The following HS6ST2 variants were observed in gnomAD, a reference collection of about 807,000 sequenced individuals.
HS6ST2 encodes the protein heparan-sulfate 6-O-sulfotransferase 2.
In HS6ST2, 17 loss-of-function variants were observed where a neutral mutation model predicts 33.0. The ratio of observed to expected loss-of-function variants is 0.52; its 90% CI spans 0.35 to 0.77. HS6ST2 has a LOEUF of 0.77. HS6ST2 is among the 30% of genes least tolerant of loss of function. The pLI is 0.01. For synonymous variants in HS6ST2, 248 were observed against 237.1 expected (o/e 1.05, Z -0.42); for missense variants, 519 against 551.7 (o/e 0.94, Z 0.59).
chrX:132,866,181 T>A (rs1332414613), intron 2 of HS6ST2, among the ~76,000 whole-genome samples: 1 of 111,632 alleles, frequency 9.0e-6, no homozygotes, highest in Non-Finnish European at 1.9e-5. Context: ...GGGATCCAGT[T>A]TCATCTTTCT....
At chrX:132,735,487 G>A (rs1315370172) in intron 2 of HS6ST2, 9 of 112,276 alleles carry the variant, frequency 8.0e-5, no homozygotes, top group South Asian at 3.8e-4. Context: ...AAACCGACCC[G>A]TGACAAAAAA....
chrX:132,689,501 G>GA (rs990594500), intron 3 of HS6ST2, among the ~76,000 whole-genome samples: 4 of 111,040 alleles, frequency 3.6e-5, no homozygotes, highest in Admixed American at 9.5e-5. Context: ...AAGAGCAAAT[G>GA]AAAAAAAATT....
chrX:132,858,821 C>T lies in HS6ST2; in HGVS notation c.947+97987G>A, dbSNP rs745429500. On this transcript the variant is annotated intron_variant, in intron 2 of 4. Coordinates refer to ENST00000370833, the MANE Select transcript of HS6ST2 (RefSeq NM_001394073.1). ...ATATCCCCTCCTGGGATAGCTAGGGCTACCACTAGCACATACTGGTGTCTT... is the reference window on the plus strand; with the variant it reads ...ATATCCCCTCCTGGGATAGCTAGGGTTACCACTAGCACATACTGGTGTCTT... Among the ~76,000 whole-genome samples, 15 of 112,320 alleles carry T rather than the reference C, an allele frequency of 1.3e-4. No individual in the cohort carries two copies. In the East Asian group the frequency reaches 3.7e-3, roughly 27 times the overall value.
chrX:132,670,796 G>T (rs957244207), intron 3 of HS6ST2, among the ~76,000 whole-genome samples: 1 of 112,341 alleles, frequency 8.9e-6, no homozygotes, highest in African/African-American at 3.2e-5. Flanking sequence ...CCGGGCAACA[G>T]TGCGAGACTC....
At position 132,857,462 on chromosome X, in the gene HS6ST2, C is replaced by T. The variant is rs1364687181; in HGVS notation, c.947+99346G>A. 4.9e-5 allele frequency among the ~76,000 whole-genome samples: 5 copies of T among 101,983 alleles called. No homozygotes were observed. In the East Asian group the frequency reaches 9.2e-4, roughly 19 times the overall value. 88.6% of individuals were successfully genotyped at this position (101,983 alleles called of 115,157 possible). A position where few individuals can be genotyped will look rare whatever the true frequency, so the allele number is the denominator to read the frequency against. ...TCACGCCACTGCACTCCAGCCTGGG[C>T]GACAGAGTGAGACTCTGTCTCAAAA... On this transcript the variant is annotated intron_variant, in intron 2 of 4. Coordinates refer to ENST00000370833, the MANE Select transcript of HS6ST2 (RefSeq NM_001394073.1).
chrX:132,713,750 AG>A (rs760369607), intron 2 of HS6ST2, among the ~76,000 whole-genome samples: 3 of 110,605 alleles, frequency 2.7e-5, no homozygotes, highest in Non-Finnish European at 5.7e-5. Flanking sequence ...AAGTTCCCTG[AG>A]GTTGTCTTGA....
chrX:132,797,843 C>A (rs1304530783), intron 2 of HS6ST2, among the ~76,000 whole-genome samples: 3 of 108,723 alleles, frequency 2.8e-5, no homozygotes, highest in African/African-American at 1.0e-4. Flanking sequence ...GAAAGCCAGT[C>A]TCTACTAAAA....
At chrX:132,946,872 ATCT>A (rs1264374106) in intron 2 of HS6ST2, among the ~76,000 whole-genome samples, 3 of 112,045 alleles carry the variant, frequency 2.7e-5, no homozygotes, top group Non-Finnish European at 3.8e-5. Flanking sequence ...ATAGTAATAG[ATCT>A]TCTTGGAAAA....
chrX:132,804,529 G>A (rs2065262497), intron 2 of HS6ST2, among the ~76,000 whole-genome samples: 1 of 112,507 alleles, frequency 8.9e-6, no homozygotes, highest in Admixed American at 9.4e-5. Flanking sequence ...GGTGGGCATG[G>A]TGGTTCACAC....
chrX:132,816,470 T>A (rs1267053074), intron 2 of HS6ST2, among the ~76,000 whole-genome samples: 1 of 111,926 alleles, frequency 8.9e-6, no homozygotes, highest in Non-Finnish European at 1.9e-5. Flanking sequence ...GTAATTAGTC[T>A]TCAGGTACAA....
chrX:132,650,771 C>G (rs770552609), intron 4 of HS6ST2, among the ~76,000 whole-genome samples: 2 of 102,347 alleles, frequency 2.0e-5, no homozygotes, highest in Non-Finnish European at 4.0e-5. Context: ...CTCTCTCTCT[C>G]TTCTTTTTTG....
intron 2 of HS6ST2, among the ~76,000 whole-genome samples, chrX:132,865,426 C>T (rs1471022621): frequency 6.4e-5 from 7 of 109,426 alleles, no homozygotes; most frequent in East Asian, 2.9e-4. Flanking sequence ...TGAATAATGC[C>T]GCAATAAACA....
chrX:132,643,397 C>T (rs2063616061), intron 4 of HS6ST2, among the ~76,000 whole-genome samples: 1 of 111,475 alleles, frequency 9.0e-6, no homozygotes, highest in Admixed American at 9.5e-5. Context: ...GAGCCATGTC[C>T]CATGTGTGGA....
chrX:132,941,946 C>A (rs901206497), intron 2 of HS6ST2, among the ~76,000 whole-genome samples: 1 of 111,874 alleles, frequency 8.9e-6, no homozygotes, highest in African/African-American at 3.2e-5. Context: ...TTCATATTCT[C>A]ATATTAGTAT....
intron 2 of HS6ST2, among the ~76,000 whole-genome samples, chrX:132,770,267 T>C (rs1177533438): frequency 2.7e-5 from 3 of 111,627 alleles, no homozygotes; most frequent in African/African-American, 6.5e-5. Flanking sequence ...GTCACTGCTA[T>C]AATGGGTAGA....
intron 2 of HS6ST2, among the ~76,000 whole-genome samples, chrX:132,926,284 TC>T (rs759141125): frequency 1.8e-5 from 2 of 112,608 alleles, no homozygotes; most frequent in Admixed American, 9.4e-5. Flanking sequence ...ACAGTTGTTC[TC>T]CACTGCTCTT....
chrX:132,794,307 T>C (rs1055204518), intron 2 of HS6ST2, among the ~76,000 whole-genome samples: 3 of 112,376 alleles, frequency 2.7e-5, no homozygotes, highest in Admixed American at 1.9e-4. Context: ...ATGTCAATTA[T>C]GTGACTACCC....
chrX:132,791,948 A>C (rs2065122802), intron 2 of HS6ST2, among the ~76,000 whole-genome samples: 1 of 111,891 alleles, frequency 8.9e-6, no homozygotes, highest in Non-Finnish European at 1.9e-5. Flanking sequence ...GTGCCACTGC[A>C]CTTCAGCCTG....
chrX:132,635,849 C>T (rs1358359383), intron 4 of HS6ST2, among the ~76,000 whole-genome samples: 3 of 111,190 alleles, frequency 2.7e-5, no homozygotes, highest in Non-Finnish European at 5.7e-5. Flanking sequence ...GCAGTGACTC[C>T]ACAGGTGCTT....
Sources: gnomAD v4.1 joint callset for allele counts (sites outside exome capture counted in the v4.1 genomes callset) on GRCh38, gnomAD v4.1.1 for gene constraint, MANE v1.5 for transcripts, NCBI Gene and HGNC (gene_info 2026-07-23, HGNC 2026-07-21) for gene names.